The following SMOC2 variants were observed in gnomAD, a reference collection of about 807,000 sequenced individuals.
SMOC2 encodes SPARC-related modular calcium-binding protein 2.
In SMOC2, 39 loss-of-function variants were observed where a neutral mutation model predicts 61.4. The ratio of observed to expected loss-of-function variants is 0.64; its 90% CI spans 0.49 to 0.83. SMOC2 has a LOEUF of 0.83. Ranked by LOEUF, SMOC2 falls within the 40% of genes least tolerant of loss-of-function variation. The pLI is 0.00. For synonymous variants in SMOC2, 247 were observed against 239.9 expected (o/e 1.03, Z -0.27); for missense variants, 556 against 592.9 (o/e 0.94, Z 0.65).
At chr6:168,494,952 G>A (rs1354751690) in intron 1 of SMOC2, among the ~76,000 whole-genome samples, 5 of 152,230 alleles carry the variant, frequency 3.3e-5, no homozygotes, top group South Asian at 2.1e-4. Flanking sequence ...CCCTTGGGCC[G>A]GGGTGTGCTC....
At chr6:168,605,336 G>A (rs374098002) in intron 8 of SMOC2, among the ~76,000 whole-genome samples, 64 of 152,152 alleles carry the variant, frequency 4.2e-4, no homozygotes, top group African/African-American at 1.4e-3. Flanking sequence ...GCATAGGACT[G>A]CATTTCTCCC....
At chr6:168,651,059 C>T (rs571740030) in intron 10 of SMOC2, among the ~76,000 whole-genome samples, 7 of 152,316 alleles carry the variant, frequency 4.6e-5, no homozygotes, top group Middle Eastern at 3.4e-3. Flanking sequence ...CCTTTTGGTG[C>T]GGAGCAGGGC....
chr6:168,600,171 C>T (rs909232536), intron 8 of SMOC2, among the ~76,000 whole-genome samples: 1 of 152,070 alleles, frequency 6.6e-6, no homozygotes, highest in East Asian at 1.9e-4. Context: ...CGTGGGAGGC[C>T]GAGGCGGGTG....
chr6:168,449,620 A>C (rs759631012), intron 1 of SMOC2, among the ~76,000 whole-genome samples: 2 of 152,174 alleles, frequency 1.3e-5, no homozygotes, highest in Non-Finnish European at 2.9e-5. Context: ...ACCTTGGAAA[A>C]AAGAAGTTAG....
intron 4 of SMOC2, among the ~76,000 whole-genome samples, chr6:168,532,442 C>A (rs748786273): frequency 2.6e-5 from 4 of 152,136 alleles, no homozygotes; most frequent in Non-Finnish European, 2.9e-5. Flanking sequence ...CCCCCCCTCC[C>A]CCACAAAGAT....
At chr6:168,653,428 A>C (rs1787249647) in intron 11 of SMOC2, among the ~76,000 whole-genome samples, 200 bp downstream of exon 11, 1 of 152,246 alleles carries the variant, frequency 6.6e-6, no homozygotes, top group African/African-American at 2.4e-5. Flanking sequence ...TGCCCAGGAG[A>C]GCCCAGGCTC....
intron 1 of SMOC2, among the ~76,000 whole-genome samples, chr6:168,481,723 A>C (rs1469987448): frequency 6.6e-6 from 1 of 151,982 alleles, no homozygotes; most frequent in Non-Finnish European, 1.5e-5. Context: ...AAAGACAAAG[A>C]CTGTCAGAAT....
At chr6:168,509,860 C>G in intron 1 of SMOC2, 55 bp from the exon 2 acceptor site, 1 of 1,535,898 alleles carries the variant, frequency 6.5e-7, no homozygotes, top group Non-Finnish European at 8.8e-7. Flanking sequence ...CTGTTTTCTG[C>G]TGCTCTGAAG....
At chr6:168,656,601 G>GGGCCCTTT in intron 11 of SMOC2, among the ~76,000 whole-genome samples, 1 of 151,520 alleles carries the variant, frequency 6.6e-6, no homozygotes, top group African/African-American at 2.4e-5. Flanking sequence ...TGTGAGACAG[G>GGGCCCTTT]GGCCCTTTGA....
intron 8 of SMOC2, among the ~76,000 whole-genome samples, chr6:168,604,919 G>A (rs1785648975): frequency 1.3e-5 from 2 of 152,176 alleles, no homozygotes; most frequent in Admixed American, 6.5e-5. Flanking sequence ...GCCCTTCCTA[G>A]TGCCCCTGAC....
chr6:168,541,150 T>C (rs1342497248), intron 4 of SMOC2, among the ~76,000 whole-genome samples: 3 of 152,304 alleles, frequency 2.0e-5, no homozygotes, highest in Admixed American at 6.5e-5. Flanking sequence ...CACCAGAAAT[T>C]CGTATCCCCA....
intron 3 of SMOC2, among the ~76,000 whole-genome samples, chr6:168,527,047 A>G (rs1218890199): frequency 6.6e-6 from 1 of 152,226 alleles, no homozygotes; most frequent in East Asian, 1.9e-4. Flanking sequence ...GGGCAGAAAG[A>G]GCAGAAAAAA....
intron 1 of SMOC2, among the ~76,000 whole-genome samples, chr6:168,492,893 G>A (rs978039065): frequency 6.6e-6 from 1 of 152,186 alleles, no homozygotes; most frequent in African/African-American, 2.4e-5. Context: ...TGTTAGGATC[G>A]AATGGAATCT....
intron 5 of SMOC2, among the ~76,000 whole-genome samples, chr6:168,545,377 G>T (rs1783969857): frequency 6.6e-6 from 1 of 152,288 alleles, no homozygotes; most frequent in South Asian, 2.1e-4. Flanking sequence ...CAACAGAGCT[G>T]GTTTCCAGAC....
At chr6:168,497,863 G>T (rs765870232) in intron 1 of SMOC2, among the ~76,000 whole-genome samples, 4 of 152,196 alleles carry the variant, frequency 2.6e-5, no homozygotes, top group Non-Finnish European at 5.9e-5. Flanking sequence ...AGGGCTATAG[G>T]TGACATTTAG....
intron 1 of SMOC2, among the ~76,000 whole-genome samples, chr6:168,474,676 C>T (rs1276477887): frequency 4.6e-5 from 7 of 152,150 alleles, no homozygotes; most frequent in Admixed American, 1.3e-4. Context: ...GGCACAGCTG[C>T]GCAGGCTGTG....
chr6:168,603,458 G>A (rs1248599521), intron 8 of SMOC2, among the ~76,000 whole-genome samples: 1 of 151,800 alleles, frequency 6.6e-6, no homozygotes, highest in Non-Finnish European at 1.5e-5. Flanking sequence ...GTTTAGCAGA[G>A]GAGTGATACA....
At chr6:168,623,445 C>A (rs531825956) in intron 9 of SMOC2, among the ~76,000 whole-genome samples, 2 of 151,064 alleles carry the variant, frequency 1.3e-5, no homozygotes, top group South Asian at 4.2e-4. Flanking sequence ...CCCGCCTCAG[C>A]CTCCGAGTAA....
At position 168,627,031 on chromosome 6, in the gene SMOC2, G is replaced by A. The variant is rs115488249; in HGVS notation, c.907+18792G>A. ...TTCTCATTTAACCAGCTTCAGAGAA[G>A]AGACACACTCCAGGCCCCATAACCT... On this transcript the variant is annotated intron_variant, in intron 9 of 12. Coordinates refer to ENST00000356284, the MANE Select transcript of SMOC2 (RefSeq NM_001166412.2). Among the ~76,000 whole-genome samples the A allele has an allele frequency of 5.9e-3, 902 of 152,266 alleles. 12 individuals carry two copies. The highest frequency in any genetic ancestry group is 0.02 in the African/African-American group (828 of 41,546).
Sources: gnomAD v4.1 joint callset for allele counts (sites outside exome capture counted in the v4.1 genomes callset) on GRCh38, gnomAD v4.1.1 for gene constraint, MANE v1.5 for transcripts, NCBI Gene and HGNC (gene_info 2026-07-23, HGNC 2026-07-21) for gene names.